Variants in MAP4K4 observed in about 807,000 individuals in gnomAD.
MAP4K4 encodes the protein HPK/GCK-like kinase HGK.
Under a neutral mutation model 189.6 loss-of-function variants are expected in MAP4K4, and 38 were observed. The ratio of observed to expected loss-of-function variants is 0.20; its 90% confidence interval spans 0.15 to 0.26. The LOEUF is 0.26. Ranked by LOEUF, MAP4K4 falls within the 10% of genes least tolerant of loss-of-function variation. The pLI, the probability that MAP4K4 is intolerant of heterozygous loss-of-function variation, is 1.00. For missense variants in MAP4K4, 1,054 were observed against 1,726.9 expected, an observed-to-expected ratio of 0.61 and a Z score of 6.91; for synonymous variants, 610 against 624.3, an observed-to-expected ratio of 0.98 and a Z score of 0.34.
intron 3 of MAP4K4, among the ~76,000 whole-genome samples, chr2:101,803,792 A>AC (rs1244825413): frequency 5.3e-5 from 8 of 151,746 alleles, no homozygotes; most frequent in Non-Finnish European, 7.4e-5. Context: ...AGAGAAACGG[A>AC]CCCCCCCTTC....
chr2:101,834,228 CCCTCCCTT>C lies in MAP4K4; in HGVS notation c.640-174_640-167del, dbSNP rs3216993. 1.7e-3 allele frequency among the ~76,000 whole-genome samples: 221 copies of C among 130,266 alleles called. 2 individuals carry two copies. Among genetic ancestry groups the C allele is most frequent in the African/African-American group, 6.0e-3 (213 of 35,720 alleles). 85.5% of individuals were successfully genotyped at this position (130,266 alleles called of 152,430 possible). On this transcript the variant is annotated intron_variant, in intron 7 of 32. Coordinates refer to ENST00000324219, the Ensembl canonical transcript of MAP4K4. ...TCCCTCCATCCCTCCATCCCTCCATCCCTCCCTTCCTCCCCTCCCCTCCCCTCCGCTCC... is the reference window on the plus strand; with the variant it reads ...TCCCTCCATCCCTCCATCCCTCCATCCCTCCCCTCCCCTCCCCTCCGCTCC...
intron 27 of MAP4K4, among the ~76,000 whole-genome samples, chr2:101,880,112 T>C (rs1476202648): frequency 2.0e-5 from 3 of 152,210 alleles, no homozygotes; most frequent in Non-Finnish European, 2.9e-5. Flanking sequence ...ATATGTGTTT[T>C]GCGGATATTT....
At position 101,874,267 on chromosome 2, in the gene MAP4K4, A is replaced by G. The variant is rs1206877646; in HGVS notation, c.3241+15A>G. 1.3e-6 allele frequency: 2 copies of G among 1,595,912 alleles called. No individual in the cohort carries two copies. Among genetic ancestry groups the G allele is most frequent in the East Asian group, 2.2e-5 (1 of 44,474 alleles). ...TGCCTTATGGGGTAGGTGTCTAGCC[A>G]CTACTCCAACACTTTCATTTTTGTT... is the stretch of plus-strand genomic sequence containing the variant. On this transcript the variant is annotated intron_variant, in intron 26 of 32. Transcript: ENST00000324219.
Position 101,735,903 on chromosome 2 carries a change from A to G in MAP4K4, c.123+37365A>G, listed in dbSNP as rs80277123. 8.0e-3 allele frequency among the ~76,000 whole-genome samples: 1,219 copies of G among 152,196 alleles called. 8 individuals carry two copies. The highest frequency in any genetic ancestry group is 0.014 in the Middle Eastern group (4 of 294). ...TGGCTTTGAATGGTTGCTGACAGAT[A>G]CTCTCAGGATGAATGATGTGAGTGA... On this transcript the variant is annotated intron_variant, in intron 2 of 32. Coordinates refer to ENST00000324219, the Ensembl canonical transcript of MAP4K4.
At chr2:101,840,907 A>ATTATATAAATAT (rs2096897944) in intron 10 of MAP4K4, among the ~76,000 whole-genome samples, 2 of 152,364 alleles carry the variant, frequency 1.3e-5, no homozygotes, top group Admixed American at 1.3e-4. Context: ...TTAGTTATAA[A>ATTATATAAATAT]AGTAATTAGG....
intron 27 of MAP4K4, among the ~76,000 whole-genome samples, chr2:101,878,186 T>G (rs1452505210): frequency 6.6e-6 from 1 of 152,246 alleles, no homozygotes; most frequent in Admixed American, 6.5e-5. Context: ...AGTTTTTAAA[T>G]TCCAGTTTTT....
At chr2:101,734,829 G>T (rs1407954408) in intron 2 of MAP4K4, among the ~76,000 whole-genome samples, 1 of 152,164 alleles carries the variant, frequency 6.6e-6, no homozygotes, top group African/African-American at 2.4e-5. Context: ...CATTTGGCTG[G>T]AGCCTTAGCC....
intron 2 of MAP4K4, among the ~76,000 whole-genome samples, chr2:101,756,546 T>C (rs998211873): frequency 6.6e-6 from 1 of 152,048 alleles, no homozygotes; most frequent in African/African-American, 2.4e-5. Context: ...ACTACAGGTA[T>C]GTCTTTTCTG....
At chr2:101,755,216 CA>C (rs1465243003) in intron 2 of MAP4K4, among the ~76,000 whole-genome samples, 1 of 148,976 alleles carries the variant, frequency 6.7e-6, no homozygotes, top group African/African-American at 2.5e-5. Flanking sequence ...CCCTTGAAAG[CA>C]GAGTGAAAAA....
At chr2:101,805,135 A>C (rs1284216672) in intron 3 of MAP4K4, among the ~76,000 whole-genome samples, 1 of 151,852 alleles carries the variant, frequency 6.6e-6, no homozygotes, top group Non-Finnish European at 1.5e-5. Context: ...TGAAGCATGC[A>C]TACAGAAAAG....
At chr2:101,862,437 A>G (rs1020394189) in intron 16 of MAP4K4, among the ~76,000 whole-genome samples, 1 of 151,938 alleles carries the variant, frequency 6.6e-6, no homozygotes, top group Non-Finnish European at 1.5e-5. Context: ...TTAAAAGAGG[A>G]TGAGAAGAGA....
chr2:101,890,599 G>C (rs1303874577), intron 32 of MAP4K4, among the ~76,000 whole-genome samples: 1 of 151,932 alleles, frequency 6.6e-6, no homozygotes, highest in Non-Finnish European at 1.5e-5. Flanking sequence ...GGGATTACAG[G>C]AGCCCACCAC....
chr2:101,888,760 A>T (rs2098524157), intron 31 of MAP4K4, 36 bp from the exon 32 acceptor site: 2 of 1,519,384 alleles, frequency 1.3e-6, no homozygotes, highest in Non-Finnish European at 1.8e-6. Context: ...CTGTTTCCTC[A>T]TCTTTAACGG....
chr2:101,769,519 A>C (rs560701464), intron 2 of MAP4K4, among the ~76,000 whole-genome samples: 1 of 152,282 alleles, frequency 6.6e-6, no homozygotes, highest in Non-Finnish European at 1.5e-5. Flanking sequence ...AGTGAATTCA[A>C]TTCTCATGTT....
intron 3 of MAP4K4, among the ~76,000 whole-genome samples, chr2:101,815,500 G>C (rs1441913511): frequency 6.6e-6 from 1 of 151,894 alleles, no homozygotes; most frequent in Non-Finnish European, 1.5e-5. Context: ...TTATTCCTGG[G>C]TTAGTTTCAG....
intron 2 of MAP4K4, among the ~76,000 whole-genome samples, chr2:101,713,965 T>C (rs1444661451): frequency 1.3e-5 from 2 of 152,182 alleles, no homozygotes; most frequent in Non-Finnish European, 2.9e-5. Flanking sequence ...GGTTTTTCAT[T>C]TCATTTACAA....
At chr2:101,711,567 A>G (rs1023143925) in intron 2 of MAP4K4, among the ~76,000 whole-genome samples, 1 of 152,124 alleles carries the variant, frequency 6.6e-6, no homozygotes, top group Non-Finnish European at 1.5e-5. Flanking sequence ...GCTCTTTGAT[A>G]ATATGGACAA....
At chr2:101,851,432 G>A (rs1325101930) in intron 12 of MAP4K4, among the ~76,000 whole-genome samples, 1 of 152,168 alleles carries the variant, frequency 6.6e-6, no homozygotes, top group African/African-American at 2.4e-5. Flanking sequence ...ATAGGCATAA[G>A]GTTAACAGTA....
chr2:101,806,130 C>G (rs34727025), intron 3 of MAP4K4, among the ~76,000 whole-genome samples: 35,688 of 152,074 alleles, frequency 0.23, 4,680 homozygotes, highest in East Asian at 0.48. Context: ...AAGTTCTACT[C>G]ATTCTTATTT....
Sources: gnomAD v4.1 joint callset for allele counts (sites outside exome capture counted in the v4.1 genomes callset) on GRCh38, gnomAD v4.1.1 for gene constraint, MANE v1.5 for transcripts, NCBI Gene and HGNC (gene_info 2026-07-23, HGNC 2026-07-21) for gene names.